The following ST8SIA6 variants were observed in gnomAD, a reference collection of about 807,000 sequenced individuals.
ST8SIA6 encodes ST8 alpha-N-acetyl-neuraminide alpha-2,8-sialyltransferase 6, also known as alpha-2,8-sialyltransferase 8F.
Under a neutral mutation model 33.6 loss-of-function variants are expected in ST8SIA6, and 39 were observed. That is an observed-to-expected ratio of 1.16 (90% CI 0.90 to 1.52). The LOEUF (loss-of-function observed/expected upper bound fraction) is 1.52. Among genes scored for constraint, ST8SIA6 ranks in the 40% most tolerant of loss-of-function variants. ST8SIA6 has a pLI of 0.00. For missense variants in ST8SIA6, 441 were observed against 443.8 expected, an observed-to-expected ratio of 0.99 and a Z score of 0.06; for synonymous variants, 172 against 167.2, an observed-to-expected ratio of 1.03 and a Z score of -0.22.
Position 17,320,814 on chromosome 10 carries a change from T to C in ST8SIA6, c.*64A>G. 2 of 1,541,284 alleles carry C rather than the reference T, an allele frequency of 1.3e-6. No individual in the cohort carries two copies. Among genetic ancestry groups the C allele is most frequent in the Non-Finnish European group, 1.8e-6 (2 of 1,126,722 alleles). On this transcript the variant is annotated 3_prime_UTR_variant, in exon 8 of 8. Transcript: ENST00000377602. ...ACTCTTTAGCCACCTCCTTTGGTGT[T>C]TGGAGACATTGTTAATCACCTACTG...
chr10:17,323,665 G>A (rs1386212798), intron 6 of ST8SIA6, among the ~76,000 whole-genome samples: 3 of 152,082 alleles, frequency 2.0e-5, no homozygotes, highest in Non-Finnish European at 4.4e-5. Context: ...GATTACAGGT[G>A]TGAGCCACTG....
intron 4 of ST8SIA6, among the ~76,000 whole-genome samples, chr10:17,333,696 TATATATATATATA>T (rs1564404909): frequency 2.0e-4 from 5 of 24,744 alleles, no homozygotes; most frequent in African/African-American, 7.3e-4. Flanking sequence ...TATATATATA[TATATATATATATA>T]TATATATATT....
intron 4 of ST8SIA6, among the ~76,000 whole-genome samples, chr10:17,340,054 C>G (rs578034257): frequency 6.6e-6 from 1 of 152,336 alleles, no homozygotes; most frequent in African/African-American, 2.4e-5. Flanking sequence ...AACTATTCCT[C>G]TAAAGCCATT....
In ST8SIA6 at chr10:17,454,138, G is replaced by A. The variant is rs1588943831; in HGVS notation, c.101+17C>T. ...GGGCGCGCGGCGCGGGGCGCGGCCG[G>A]CGGGTGGGTGGGTTACCTGGCGCGG... On this transcript the variant is annotated intron_variant, in intron 1 of 7. Coordinates refer to ENST00000377602, the MANE Select transcript of ST8SIA6 (RefSeq NM_001004470.3). This position sits in a 1 kb window ranked among gnomAD's most constrained non-coding sequence, Gnocchi z 4.1. 1.8e-5 allele frequency: 5 copies of A among 270,446 alleles called. No homozygotes were observed. The East Asian group carries it at 3.6e-4, about 19-fold the overall frequency. 16.8% of individuals were successfully genotyped at this position (270,446 alleles called of 1,614,324 possible). A position where few individuals can be genotyped will look rare whatever the true frequency, so the allele number is the denominator to read the frequency against.
At chr10:17,321,673 C>T (rs1336743643) in intron 7 of ST8SIA6, among the ~76,000 whole-genome samples, 1 of 152,104 alleles carries the variant, frequency 6.6e-6, no homozygotes, top group Non-Finnish European at 1.5e-5. Flanking sequence ...TATTGAAACA[C>T]CTTCCAAATG....
intron 7 of ST8SIA6, among the ~76,000 whole-genome samples, chr10:17,322,271 AGAAG>A (rs1847986168): frequency 6.6e-6 from 1 of 151,918 alleles, no homozygotes; most frequent in South Asian, 2.1e-4. Flanking sequence ...GAGAAAGAAA[AGAAG>A]GAGGGAGGAA....
At chr10:17,389,635 G>A (rs1291544166) in intron 3 of ST8SIA6, among the ~76,000 whole-genome samples, 1 of 152,128 alleles carries the variant, frequency 6.6e-6, no homozygotes, top group African/African-American at 2.4e-5. Flanking sequence ...TGTAAGCAGC[G>A]CAGGGGAAGC....
intron 2 of ST8SIA6, among the ~76,000 whole-genome samples, chr10:17,396,942 C>T (rs1373321461): frequency 6.6e-6 from 1 of 152,188 alleles, no homozygotes; most frequent in Non-Finnish European, 1.5e-5. Context: ...TGGCTTCCAC[C>T]ACAGTCCTCT....
At chr10:17,407,353 A>C (rs1291141321) in intron 2 of ST8SIA6, among the ~76,000 whole-genome samples, 1 of 152,180 alleles carries the variant, frequency 6.6e-6, no homozygotes, top group African/African-American at 2.4e-5. Flanking sequence ...GATGTCGGAA[A>C]AGTGACACTT....
At chr10:17,406,050 A>G (rs1851246906) in intron 2 of ST8SIA6, among the ~76,000 whole-genome samples, 1 of 152,192 alleles carries the variant, frequency 6.6e-6, no homozygotes, top group African/African-American at 2.4e-5. Context: ...ACCCTGCTTA[A>G]TAATCAGTAT....
intron 2 of ST8SIA6, among the ~76,000 whole-genome samples, chr10:17,414,829 G>A (rs1009028718): frequency 6.6e-6 from 1 of 152,068 alleles, no homozygotes; most frequent in Non-Finnish European, 1.5e-5. Flanking sequence ...TGAGACTGTG[G>A]CTTCAACATG....
At chr10:17,341,473 T>C (rs917229358) in intron 4 of ST8SIA6, among the ~76,000 whole-genome samples, 3 of 152,164 alleles carry the variant, frequency 2.0e-5, no homozygotes, top group South Asian at 2.1e-4. Context: ...AGGACTGATA[T>C]GGACTGAATG....
At chr10:17,350,459 C>G (rs964027394) in intron 4 of ST8SIA6, among the ~76,000 whole-genome samples, 2 of 152,078 alleles carry the variant, frequency 1.3e-5, no homozygotes, top group African/African-American at 4.8e-5. Context: ...AAGGCTGAGG[C>G]GGGAGGATCG....
At chr10:17,387,371 T>C (rs1184698352) in intron 3 of ST8SIA6, among the ~76,000 whole-genome samples, 3 of 144,418 alleles carry the variant, frequency 2.1e-5, no homozygotes, top group African/African-American at 7.7e-5. Flanking sequence ...CCAGCCTCAG[T>C]CTCCCGAGTA....
intron 2 of ST8SIA6, among the ~76,000 whole-genome samples, chr10:17,401,958 T>C (rs1851058024): frequency 6.6e-6 from 1 of 152,154 alleles, no homozygotes; most frequent in Non-Finnish European, 1.5e-5. Context: ...AAAGAGCTTC[T>C]GCACAGCAAA....
chr10:17,447,374 C>G (rs1211599344), intron 2 of ST8SIA6, among the ~76,000 whole-genome samples: 1 of 151,914 alleles, frequency 6.6e-6, no homozygotes, highest in African/African-American at 2.4e-5. Context: ...CCACTGCTCT[C>G]CAGCCTGGGC....
At chr10:17,379,894 C>A (rs182016224) in intron 3 of ST8SIA6, among the ~76,000 whole-genome samples, 143 of 152,222 alleles carry the variant, frequency 9.4e-4, no homozygotes, top group African/African-American at 3.2e-3. Context: ...ATTTTGGTAA[C>A]CATGAAGGGA....
chr10:17,337,227 C>T (rs978110213), intron 4 of ST8SIA6, among the ~76,000 whole-genome samples: 2 of 152,184 alleles, frequency 1.3e-5, no homozygotes, highest in Non-Finnish European at 2.9e-5. Flanking sequence ...CTGAGGCCTC[C>T]TCAGCCACGA....
chr10:17,334,856 T>C (rs1588796147), intron 4 of ST8SIA6, among the ~76,000 whole-genome samples: 1 of 152,222 alleles, frequency 6.6e-6, no homozygotes, highest in Non-Finnish European at 1.5e-5. Flanking sequence ...GGCAAGTGCA[T>C]GTAGAACCAC....
Sources: gnomAD v4.1 joint callset for allele counts (sites outside exome capture counted in the v4.1 genomes callset) on GRCh38, gnomAD v4.1.1 for gene constraint, Gnocchi (gnomAD v3.1) non-coding constraint, MANE v1.5 for transcripts, NCBI Gene and HGNC (gene_info 2026-07-23, HGNC 2026-07-21) for gene names.